Variants in ACCSL observed in about 807,000 individuals in gnomAD.
ACCSL encodes the protein probable inactive 1-aminocyclopropane-1-carboxylate synthase-like protein 2.
In ACCSL, 55 loss-of-function variants were observed where a neutral mutation model predicts 61.7. The observed-to-expected ratio is 0.89, with a 90% CI of 0.72 to 1.12. ACCSL has a LOEUF of 1.12. Ranked by LOEUF, ACCSL falls within the 50% of genes most tolerant of loss-of-function variation. The pLI, the probability that ACCSL is intolerant of heterozygous loss-of-function variation, is 0.00. For synonymous variants in ACCSL, 258 were observed against 264.3 expected, an observed-to-expected ratio of 0.98 and a Z score of 0.23; for missense variants, 632 against 698.0, an observed-to-expected ratio of 0.91 and a Z score of 1.07.
chr11:43,925,600 G>T, the ACCSL span: 2 of 391,062 alleles, frequency 5.1e-6, no homozygotes, highest in Non-Finnish European at 1.1e-5. Context: ...TCCCTCTTAC[G>T]GTCACAGTAC....
the ACCSL span, chr11:43,933,357 G>A: frequency 2.9e-6 from 1 of 341,698 alleles, no homozygotes; most frequent in African/African-American, 2.1e-5. Flanking sequence ...GGGGCAGCCA[G>A]GCTCAAGGTA....
chr11:44,030,162 T>G, the ACCSL span, among the ~76,000 whole-genome samples: 1 of 148,310 alleles, frequency 6.7e-6, no homozygotes, highest in Non-Finnish European at 1.5e-5. Context: ...TCTATCAATG[T>G]CTACTTGTCT....
chr11:44,038,232 G>A, the ACCSL span, among the ~76,000 whole-genome samples: 1 of 152,130 alleles, frequency 6.6e-6, no homozygotes, highest in Non-Finnish European at 1.5e-5. Context: ...TGAGCTTTGA[G>A]CAAAGCCTTG....
At chr11:44,039,975 G>A in the ACCSL span, among the ~76,000 whole-genome samples, 1 of 152,234 alleles carries the variant, frequency 6.6e-6, no homozygotes, top group African/African-American at 2.4e-5. Context: ...CGGGGAGGTA[G>A]GTTTCATTAC....
the ACCSL span, among the ~76,000 whole-genome samples, chr11:43,991,274 G>A: frequency 5.9e-5 from 9 of 152,176 alleles, no homozygotes; most frequent in African/African-American, 1.9e-4. Context: ...GGGTGGACTT[G>A]GACAACTTCC....
At chr11:44,011,550 C>T in the ACCSL span, among the ~76,000 whole-genome samples, 1 of 152,216 alleles carries the variant, frequency 6.6e-6, no homozygotes, top group African/African-American at 2.4e-5. Context: ...CTATCCTGAT[C>T]TGTGAGAGGT....
At chr11:43,932,393 G>A in the ACCSL span, among the ~76,000 whole-genome samples, 12 of 152,084 alleles carry the variant, frequency 7.9e-5, no homozygotes, top group Non-Finnish European at 1.2e-4. Context: ...CTAGCCCCCC[G>A]AGCAGCTGGG....
chr11:44,020,252 A>G, the ACCSL span, among the ~76,000 whole-genome samples: 11 of 152,108 alleles, frequency 7.2e-5, no homozygotes, highest in Non-Finnish European at 8.8e-5. Flanking sequence ...TTTTCTATAT[A>G]TAAGATCATA....
At chr11:44,052,836 G>A (rs1952648181) in intron 6 of ACCSL, 77 bp downstream of exon 6, 1 of 1,502,548 alleles carries the variant, frequency 6.7e-7, no homozygotes. Flanking sequence ...GGGTAGAGGG[G>A]CTTGCTTTCT....
At chr11:44,025,062 G>A in the ACCSL span, among the ~76,000 whole-genome samples, 83,047 of 151,942 alleles carry the variant, frequency 0.55, 23,011 homozygotes, top group Admixed American at 0.6. Flanking sequence ...CTTTCAATCT[G>A]TTTATGTGTT....
the ACCSL span, among the ~76,000 whole-genome samples, chr11:44,019,943 G>T: frequency 1.3e-5 from 2 of 152,100 alleles, no homozygotes; most frequent in African/African-American, 2.4e-5. Flanking sequence ...ATAAGGTAGG[G>T]GTCTAATTCC....
the ACCSL span, among the ~76,000 whole-genome samples, chr11:44,004,455 C>T: frequency 6.6e-6 from 1 of 152,126 alleles, no homozygotes; most frequent in Non-Finnish European, 1.5e-5. Context: ...TCCCTACCCG[C>T]ACCCAGGGCT....
the ACCSL span, among the ~76,000 whole-genome samples, chr11:43,959,742 G>A: frequency 6.6e-6 from 1 of 152,134 alleles, no homozygotes. Context: ...GGAGATTCAG[G>A]CAGGCAGGGT....
chr11:44,046,014 C>T (rs1952595131), upstream of ACCSL, among the ~76,000 whole-genome samples: 1 of 152,194 alleles, frequency 6.6e-6, no homozygotes, highest in Non-Finnish European at 1.5e-5. Flanking sequence ...ATGATAGGCA[C>T]CACCTTTTGG....
At chr11:44,053,723 A>T (rs1203278835) in intron 8 of ACCSL, among the ~76,000 whole-genome samples, 1 of 152,126 alleles carries the variant, frequency 6.6e-6, no homozygotes, top group Non-Finnish European at 1.5e-5. Flanking sequence ...TTAACCAGGC[A>T]TCATGGTGGG....
At chr11:43,953,855 T>C in the ACCSL span, among the ~76,000 whole-genome samples, 1 of 152,208 alleles carries the variant, frequency 6.6e-6, no homozygotes, top group African/African-American at 2.4e-5. Flanking sequence ...GCCTATGGTG[T>C]AGCCGTTCCC....
the ACCSL span, among the ~76,000 whole-genome samples, chr11:43,970,291 G>C: frequency 1.3e-5 from 2 of 151,964 alleles, no homozygotes; most frequent in South Asian, 2.1e-4. Flanking sequence ...CTGCAGCCTC[G>C]ACCTCCTGGG....
the ACCSL span, among the ~76,000 whole-genome samples, chr11:43,927,830 C>T: frequency 2.6e-5 from 4 of 152,174 alleles, no homozygotes; most frequent in Non-Finnish European, 5.9e-5. Flanking sequence ...TCTTTTATAC[C>T]ATTTCCCTCC....
At chr11:43,959,205 G>A in the ACCSL span, among the ~76,000 whole-genome samples, 1 of 152,140 alleles carries the variant, frequency 6.6e-6, no homozygotes, top group African/African-American at 2.4e-5. Context: ...TGGGCGAGCC[G>A]GCGATGCACA....
Sources: gnomAD v4.1 joint callset for allele counts (sites outside exome capture counted in the v4.1 genomes callset) on GRCh38, gnomAD v4.1.1 for gene constraint, MANE v1.5 for transcripts, NCBI Gene and HGNC (gene_info 2026-07-23, HGNC 2026-07-21) for gene names.